Variants in FAM240B observed in about 807,000 individuals in gnomAD.
FAM240B encodes the protein family with sequence similarity 240 member B, also known as protein FAM240B.
intron 1 of FAM240B, among the ~76,000 whole-genome samples, chr9:38,713,501 A>AAAAAAAAAAAAC (rs1821278866): frequency 6.6e-6 from 1 of 151,196 alleles, no homozygotes; most frequent in Non-Finnish European, 1.5e-5. Flanking sequence ...AAAAAAAAAA[A>AAAAAAAAAAAAC]AAAAGAACTA....
At chr9:38,708,238 G>T (rs1457535195) in intron 1 of FAM240B, among the ~76,000 whole-genome samples, 1 of 152,144 alleles carries the variant, frequency 6.6e-6, no homozygotes, top group Non-Finnish European at 1.5e-5. Context: ...TCCTCCCTGT[G>T]CTCTCGCTGC....
intron 1 of FAM240B, among the ~76,000 whole-genome samples, chr9:38,715,915 C>T (rs1275847758): frequency 6.6e-6 from 1 of 152,182 alleles, no homozygotes; most frequent in African/African-American, 2.4e-5. Flanking sequence ...CACCCCTCCC[C>T]GGTTACTGTT....
intron 2 of FAM240B, among the ~76,000 whole-genome samples, chr9:38,699,342 CAT>C (rs1255243801): frequency 6.6e-6 from 1 of 152,136 alleles, no homozygotes; most frequent in African/African-American, 2.4e-5. Flanking sequence ...AGGCACTAAA[CAT>C]ATGTGTCAGT....
chr9:38,718,873 A>T (rs1043880801), intron 1 of FAM240B, among the ~76,000 whole-genome samples: 2 of 151,900 alleles, frequency 1.3e-5, no homozygotes, highest in Non-Finnish European at 2.9e-5. Flanking sequence ...TAATACTAAC[A>T]TACAGTTATT....
chr9:38,717,079 A>ACTCGGCACC lies in FAM240B; in HGVS notation c.-4+2934_-4+2942dup, dbSNP rs537376205. Among the ~76,000 whole-genome samples the ACTCGGCACC allele has an allele frequency of 9.0e-4, 137 of 152,202 alleles. 1 individual carries two copies. The East Asian group carries it at 0.024, about 27-fold the overall frequency. ...AGTTAGGCATCTGGAAGAACGGCAC[A>ACTCGGCACC]CTCGGCACCCTCGGGAAGGTGTGGA... On this transcript the variant is annotated intron_variant, in intron 1 of 2. Coordinates refer to ENST00000637493, the MANE Select transcript of FAM240B (RefSeq NM_001394922.1).
intron 2 of FAM240B, among the ~76,000 whole-genome samples, chr9:38,701,835 G>A (rs1821131094): frequency 6.6e-6 from 1 of 152,094 alleles, no homozygotes; most frequent in Non-Finnish European, 1.5e-5. Flanking sequence ...GCAATTGATT[G>A]CCATTTTTAT....
chr9:38,703,908 G>A lies in FAM240B; in HGVS notation c.92C>T (p.Thr31Ile). The A allele has an allele frequency of 2.5e-6, 1 of 400,538 alleles. No individual in the cohort carries two copies. Among genetic ancestry groups the A allele is most frequent in the Admixed American group, 4.4e-5 (1 of 22,724 alleles). The allele number at this position is 400,538 out of a possible 1,614,324, so 24.8% of individuals were successfully genotyped here. A position where few individuals can be genotyped will look rare whatever the true frequency, so the allele number is the denominator to read the frequency against. ...ATCTTCCTCCAGTTCTCGGTAAAAA[G>A]TCTGTTTGCTAATTTCTTTTTCCCA... is the stretch of plus-strand genomic sequence containing the variant. ...SFWEKEISKQ[T>I]FYRELEEDRQ... The change falls in exon 2 of 3, where the codon ACT becomes ATT. Residue 31 changes from threonine to isoleucine, a missense_variant. By Grantham distance (89) the Thr-to-Ile change is moderately conservative. Transcript: ENST00000637493.
intron 1 of FAM240B, among the ~76,000 whole-genome samples, chr9:38,711,755 C>T (rs1415368103): frequency 6.6e-6 from 1 of 150,664 alleles, no homozygotes; most frequent in Non-Finnish European, 1.5e-5. Flanking sequence ...CTCCAGGGTT[C>T]AAGCAATTCT....
chr9:38,700,843 A>G (rs1252254534), intron 2 of FAM240B, among the ~76,000 whole-genome samples: 4 of 152,192 alleles, frequency 2.6e-5, no homozygotes, highest in Non-Finnish European at 4.4e-5. Flanking sequence ...CAGATACAGC[A>G]TATCAGTTCC....
At chr9:38,707,168 G>A (rs1189564377) in intron 1 of FAM240B, among the ~76,000 whole-genome samples, 2 of 152,112 alleles carry the variant, frequency 1.3e-5, no homozygotes, top group East Asian at 1.9e-4. Flanking sequence ...TTGGGTACCC[G>A]GTATTTAGAA....
At chr9:38,707,948 T>G (rs978900656) in intron 1 of FAM240B, among the ~76,000 whole-genome samples, 5 of 152,130 alleles carry the variant, frequency 3.3e-5, no homozygotes, top group Admixed American at 6.5e-5. Flanking sequence ...GGGCATGAAC[T>G]TTGGAAGGAC....
intron 2 of FAM240B, among the ~76,000 whole-genome samples, chr9:38,699,769 T>C (rs1374715433): frequency 1.3e-5 from 2 of 152,212 alleles, no homozygotes; most frequent in African/African-American, 2.4e-5. Context: ...AGTGGGGCAC[T>C]TCTGTGGCTA....
intron 2 of FAM240B, among the ~76,000 whole-genome samples, chr9:38,700,584 C>G (rs1369231602): frequency 6.6e-6 from 1 of 152,200 alleles, no homozygotes; most frequent in African/African-American, 2.4e-5. Context: ...ATGATTATAC[C>G]AAACTGATAG....
intron 1 of FAM240B, among the ~76,000 whole-genome samples, chr9:38,706,723 T>A (rs1821195291): frequency 6.6e-6 from 1 of 152,194 alleles, no homozygotes; most frequent in Non-Finnish European, 1.5e-5. Context: ...ACCCTGGGAC[T>A]GTCCTCCAGC....
intron 1 of FAM240B, among the ~76,000 whole-genome samples, chr9:38,709,520 C>A (rs149490837): frequency 4.3e-4 from 65 of 152,316 alleles, no homozygotes; most frequent in African/African-American, 1.5e-3. Flanking sequence ...CAGGCAGAGA[C>A]AATCATTAGC....
chr9:38,707,108 TCA>T (rs1300094750), intron 1 of FAM240B, among the ~76,000 whole-genome samples: 1 of 152,234 alleles, frequency 6.6e-6, no homozygotes, highest in Non-Finnish European at 1.5e-5. Context: ...CATAATATTT[TCA>T]CAGATTTTTT....
intron 1 of FAM240B, among the ~76,000 whole-genome samples, chr9:38,709,999 C>G (rs1564001140): frequency 6.6e-6 from 1 of 152,180 alleles, no homozygotes; most frequent in Admixed American, 6.5e-5. Flanking sequence ...GAGACGGAGT[C>G]TTGCTTTGTC....
intron 1 of FAM240B, among the ~76,000 whole-genome samples, chr9:38,705,720 A>AG (rs1240295824): frequency 2.0e-5 from 3 of 152,166 alleles, no homozygotes; most frequent in Non-Finnish European, 4.4e-5. Flanking sequence ...CTCTCATCAG[A>AG]GGGGCAGCAG....
At chr9:38,701,117 T>C (rs1821120987) in intron 2 of FAM240B, among the ~76,000 whole-genome samples, 1 of 152,192 alleles carries the variant, frequency 6.6e-6, no homozygotes, top group Non-Finnish European at 1.5e-5. Context: ...ATTTGCCTTT[T>C]ATAAATGGAG....
Sources: gnomAD v4.1 joint callset for allele counts (sites outside exome capture counted in the v4.1 genomes callset) on GRCh38, gnomAD v4.1.1 for gene constraint, MANE v1.5 for transcripts, NCBI Gene and HGNC (gene_info 2026-07-23, HGNC 2026-07-21) for gene names.